The following OCM variants were observed in gnomAD, a reference collection of about 807,000 sequenced individuals.
The protein encoded by OCM is oncomodulin, also known as oncomodulin-1.
Under a neutral mutation model 14.1 loss-of-function variants are expected in OCM, and 18 were observed. The ratio of observed to expected loss-of-function variants is 1.28; its 90% CI spans 0.88 to 1.89. The LOEUF is 1.89. Among genes scored for constraint, OCM ranks in the 40% most tolerant of loss-of-function variants. The pLI is 0.00. For missense variants in OCM, 140 were observed against 137.6 expected (o/e 1.02, Z -0.09); for synonymous variants, 48 against 51.0 (o/e 0.94, Z 0.25).
At chr7:5,878,582 T>A (rs1562529056), upstream of OCM, among the ~76,000 whole-genome samples, 1 of 150,708 alleles carries the variant, frequency 6.6e-6, no homozygotes, top group Non-Finnish European at 1.5e-5. Flanking sequence ...CTGTCTGTAC[T>A]AAAAAATACA....
At chr7:5,866,228 G>A in the OCM span, among the ~76,000 whole-genome samples, 1 of 151,600 alleles carries the variant, frequency 6.6e-6, no homozygotes, top group South Asian at 2.1e-4. Context: ...TAGAGGTTGA[G>A]GTGAGAAGGA....
the OCM span, among the ~76,000 whole-genome samples, chr7:5,869,034 G>T: frequency 0.14 from 20,663 of 152,128 alleles, 1,480 homozygotes; most frequent in Middle Eastern, 0.15. Context: ...TTGTACTCCA[G>T]CCTGGGCAAC....
upstream of OCM, among the ~76,000 whole-genome samples, chr7:5,879,627 T>C (rs1157345918): frequency 6.6e-6 from 1 of 151,882 alleles, no homozygotes; most frequent in Non-Finnish European, 1.5e-5. Flanking sequence ...TAGAACCTTC[T>C]CCACACTTTG....
chr7:5,886,210 T>G lies in OCM; in HGVS notation c.*121T>G, dbSNP rs1781333879. 2 of 1,290,466 alleles carry G rather than the reference T, an allele frequency of 1.5e-6. No individual in the cohort carries two copies. The highest frequency in any genetic ancestry group is 2.6e-5 in the South Asian group (2 of 76,466). The allele number at this position is 1,290,466 out of a possible 1,614,324, so 79.9% of individuals were successfully genotyped here. On this transcript the variant is annotated 3_prime_UTR_variant, in exon 4 of 4. Coordinates refer to ENST00000242104, the MANE Select transcript of OCM (RefSeq NM_001097622.2). ...AATTTGTTAATTTTCCCTGAAAACCTTCTGCAGTTTGCTCATTGTTTTAGT... is the reference window on the plus strand; with the variant it reads ...AATTTGTTAATTTTCCCTGAAAACCGTCTGCAGTTTGCTCATTGTTTTAGT...
upstream of OCM, among the ~76,000 whole-genome samples, chr7:5,877,819 CAAAAAA>C (rs535302724): frequency 1.8e-5 from 1 of 55,300 alleles, no homozygotes; most frequent in Non-Finnish European, 3.2e-5. Context: ...GACTCCATCT[CAAAAAA>C]AAAAAAAAAA....
chr7:5,869,729 C>T, the OCM span, among the ~76,000 whole-genome samples: 1 of 152,172 alleles, frequency 6.6e-6, no homozygotes, highest in Non-Finnish European at 1.5e-5. Flanking sequence ...ACAGCTTCTT[C>T]TGCACTACCC....
chr7:5,860,063 C>T, the OCM span, among the ~76,000 whole-genome samples: 1 of 151,824 alleles, frequency 6.6e-6, no homozygotes, highest in African/African-American at 2.4e-5. Flanking sequence ...GGAGACCCCC[C>T]CCACAAAGAG....
chr7:5,869,049 T>C, the OCM span, among the ~76,000 whole-genome samples: 1 of 151,098 alleles, frequency 6.6e-6, no homozygotes, highest in East Asian at 2.0e-4. Flanking sequence ...GGCAACAGAG[T>C]GAGACTCTGT....
At chr7:5,880,771 A>AT, upstream of OCM, 1 of 933,256 alleles carries the variant, frequency 1.1e-6, no homozygotes, top group East Asian at 2.6e-5. Context: ...TTTAAAAAAA[A>AT]AAATAATCTA....
rs1416511762 is a variant in OCM, at chr7:5,880,861, C to T, written c.-29C>T. The T allele has an allele frequency of 6.2e-7, 1 of 1,611,304 alleles. No homozygotes were observed. Among genetic ancestry groups the T allele is most frequent in the Non-Finnish European group, 8.5e-7 (1 of 1,177,748 alleles). On this transcript the variant is annotated 5_prime_UTR_variant, in exon 1 of 4. Transcript: ENST00000242104. The stretch of plus-strand genomic sequence containing the variant: ...CATTCCTGTTTGTGGCTTATCGCCT[C>T]TCATTTATTCTGTGTGAGTAGGTAG...
chr7:5,877,530 G>C (rs373323410), upstream of OCM, among the ~76,000 whole-genome samples: 1 of 151,390 alleles, frequency 6.6e-6, no homozygotes, highest in South Asian at 2.1e-4. Context: ...TTAAAAAGGA[G>C]ACCCTAGGCC....
the OCM span, among the ~76,000 whole-genome samples, chr7:5,860,365 C>T: frequency 7.3e-6 from 1 of 137,280 alleles, no homozygotes; most frequent in Non-Finnish European, 1.6e-5. Context: ...TATATATATG[C>T]ATATATATAT....
At chr7:5,871,741 C>CT in the OCM span, 1,131 of 145,524 alleles carry the variant, frequency 7.8e-3, 21 homozygotes, top group African/African-American at 0.026. Flanking sequence ...TTTTTTCTTT[C>CT]TTTTTTTTTT....
At chr7:5,859,962 A>G in the OCM span, among the ~76,000 whole-genome samples, 2 of 152,184 alleles carry the variant, frequency 1.3e-5, no homozygotes, top group East Asian at 3.9e-4. Flanking sequence ...TGCTGGGATT[A>G]GAGGTGTGAG....
chr7:5,877,709 A>G (rs1387480294), upstream of OCM, among the ~76,000 whole-genome samples: 4 of 149,378 alleles, frequency 2.7e-5, no homozygotes, highest in Non-Finnish European at 4.4e-5. Flanking sequence ...AATCCCAGCT[A>G]CTTGGGAGGC....
At chr7:5,865,999 T>A in the OCM span, among the ~76,000 whole-genome samples, 38 of 152,184 alleles carry the variant, frequency 2.5e-4, no homozygotes, top group African/African-American at 8.9e-4. Context: ...GGGCTATTCA[T>A]GAATAGCATA....
the OCM span, among the ~76,000 whole-genome samples, chr7:5,861,569 G>A: frequency 6.6e-6 from 1 of 152,138 alleles, no homozygotes; most frequent in African/African-American, 2.4e-5. Flanking sequence ...AGCCAAGAGA[G>A]TTGCTCAGTA....
At chr7:5,863,757 C>G in the OCM span, among the ~76,000 whole-genome samples, 1 of 152,074 alleles carries the variant, frequency 6.6e-6, no homozygotes. Flanking sequence ...TGGTCTCAAA[C>G]TCCTGACCTC....
upstream of OCM, chr7:5,879,838 A>C (rs1781172727): frequency 6.6e-6 from 1 of 151,646 alleles, no homozygotes; most frequent in African/African-American, 2.4e-5. Context: ...GAAATCTAAG[A>C]GGTTGTAACT....
Sources: gnomAD v4.1 joint callset for allele counts (sites outside exome capture counted in the v4.1 genomes callset) on GRCh38, gnomAD v4.1.1 for gene constraint, MANE v1.5 for transcripts, NCBI Gene and HGNC (gene_info 2026-07-23, HGNC 2026-07-21) for gene names.